The following NTNG1 variants were observed in gnomAD, a reference collection of about 807,000 sequenced individuals.
NTNG1 encodes the protein netrin G1.
In NTNG1, 16 loss-of-function variants were observed where a neutral mutation model predicts 54.0. That is an observed-to-expected ratio of 0.30 (90% CI 0.20 to 0.45). The LOEUF (loss-of-function observed/expected upper bound fraction) is 0.45, where lower values mean the gene tolerates loss of function less well. NTNG1 is among the 20% of genes least tolerant of loss of function. The probability of loss-of-function intolerance (pLI) is 1.00; values close to 1 mark genes in which losing one functional copy is unlikely to be tolerated. For synonymous variants in NTNG1, 255 were observed against 263.1 expected (o/e 0.97, Z 0.30); for missense variants, 530 against 678.7 (o/e 0.78, Z 2.43).
At chr1:107,361,374 C>CACAT (rs1285054598) in intron 3 of NTNG1, among the ~76,000 whole-genome samples, 1 of 87,998 alleles carries the variant, frequency 1.1e-5, no homozygotes, top group African/African-American at 4.4e-5. Context: ...TATATATATA[C>CACAT]ATATATATAT....
chr1:107,177,322 T>G (rs1656716232), intron 2 of NTNG1, among the ~76,000 whole-genome samples: 1 of 152,016 alleles, frequency 6.6e-6, no homozygotes, highest in African/African-American at 2.4e-5. Context: ...CCCACTCTCA[T>G]GTCTAAGAAG....
intron 2 of NTNG1, among the ~76,000 whole-genome samples, chr1:107,280,034 GGTGTGTGTGTGT>G (rs58563513): frequency 0.043 from 6,344 of 146,542 alleles, 424 homozygotes; most frequent in African/African-American, 0.15. Context: ...TTCCTTTGTT[GGTGTGTGTGTGT>G]GTGTGTGTGT....
At chr1:107,342,193 T>C (rs1233510832) in intron 3 of NTNG1, among the ~76,000 whole-genome samples, 1 of 152,080 alleles carries the variant, frequency 6.6e-6, no homozygotes, top group Non-Finnish European at 1.5e-5. Context: ...GAATAACTTA[T>C]AATCACTTTA....
intron 3 of NTNG1, among the ~76,000 whole-genome samples, chr1:107,373,403 CAT>C (rs1671043883): frequency 6.6e-6 from 1 of 151,972 alleles, no homozygotes; most frequent in Non-Finnish European, 1.5e-5. Flanking sequence ...TTTGTTTTCA[CAT>C]GTTTTACAGA....
chr1:107,333,604 T>C (rs977547567), intron 3 of NTNG1, among the ~76,000 whole-genome samples: 23 of 151,286 alleles, frequency 1.5e-4, no homozygotes, highest in African/African-American at 5.6e-4. Context: ...TGTTGGACTC[T>C]TTGTAAGATT....
At chr1:107,459,427 C>A (rs1677143563) in intron 7 of NTNG1, among the ~76,000 whole-genome samples, 1 of 151,848 alleles carries the variant, frequency 6.6e-6, no homozygotes, top group Admixed American at 6.6e-5. Flanking sequence ...GTTGGAGAGT[C>A]TTTGAAAATA....
At chr1:107,150,180 A>G (rs1244656723) in intron 2 of NTNG1, among the ~76,000 whole-genome samples, 1 of 152,196 alleles carries the variant, frequency 6.6e-6, no homozygotes, top group Non-Finnish European at 1.5e-5. Flanking sequence ...AAGTGCCCTG[A>G]AAGACTAAAT....
At chr1:107,205,594 T>C (rs1659115079) in intron 2 of NTNG1, among the ~76,000 whole-genome samples, 1 of 152,122 alleles carries the variant, frequency 6.6e-6, no homozygotes, top group African/African-American at 2.4e-5. Context: ...TTCTTTACAA[T>C]TCTTTTTCAG....
chr1:107,386,146 T>C (rs1390370276), intron 3 of NTNG1, among the ~76,000 whole-genome samples: 2 of 52,882 alleles, frequency 3.8e-5, no homozygotes, highest in African/African-American at 1.0e-4. Context: ...TATATATATG[T>C]GTGTATATAT....
At chr1:107,201,032 T>A (rs1035379151) in intron 2 of NTNG1, among the ~76,000 whole-genome samples, 1 of 151,854 alleles carries the variant, frequency 6.6e-6, no homozygotes, top group Non-Finnish European at 1.5e-5. Flanking sequence ...GTACTGTAAA[T>A]TTTTTCAATT....
At chr1:107,441,262 C>G (rs1452763036) in intron 7 of NTNG1, among the ~76,000 whole-genome samples, 1 of 152,104 alleles carries the variant, frequency 6.6e-6, no homozygotes, top group African/African-American at 2.4e-5. Context: ...TAGAAATAGC[C>G]ACTTGTAGAA....
chr1:107,236,124 A>G (rs574484173), intron 2 of NTNG1, among the ~76,000 whole-genome samples: 18 of 152,294 alleles, frequency 1.2e-4, no homozygotes, highest in Non-Finnish European at 2.4e-4. Context: ...TCTGCAGAAA[A>G]TAAAAAACAG....
chr1:107,378,878 A>G (rs1671472793), intron 3 of NTNG1, among the ~76,000 whole-genome samples: 2 of 152,246 alleles, frequency 1.3e-5, no homozygotes, highest in East Asian at 3.9e-4. Context: ...CCCACACATG[A>G]AACAGAGGGC....
chr1:107,373,832 G>A (rs193290089), intron 3 of NTNG1, among the ~76,000 whole-genome samples: 4 of 152,036 alleles, frequency 2.6e-5, no homozygotes, highest in Admixed American at 6.6e-5. Context: ...TCAAGTAGCC[G>A]AGACTCCAGG....
chr1:107,459,301 TTG>T (rs1677136661), intron 7 of NTNG1, among the ~76,000 whole-genome samples: 1 of 152,190 alleles, frequency 6.6e-6, no homozygotes, highest in Non-Finnish European at 1.5e-5. Flanking sequence ...TCAGGTTCTG[TTG>T]TGTTTTGTTT....
intron 2 of NTNG1, among the ~76,000 whole-genome samples, chr1:107,317,866 A>G (rs1335009810): frequency 1.3e-5 from 2 of 152,224 alleles, no homozygotes; most frequent in African/African-American, 4.8e-5. Flanking sequence ...AAAGGATTCC[A>G]TTAGAAAACG....
rs775465315 is a variant in NTNG1 at position 107,430,844 on chromosome 1, G to A, written c.1182G>A (p.Gln394=). The change falls in exon 6 of 8, where the codon CAG becomes CAA. Residue 394 remains glutamine, a synonymous_variant. Coordinates refer to ENST00000370068, the MANE Select transcript of NTNG1 (RefSeq NM_001113226.3). ...GCTGTAAACACAACACTAGAGGGCA[G>A]CACTGTGAGTTATGCAGGCTGGGCT... ...CVSCKHNTRG[Q]HCELCRLGYF... 1.9e-6 allele frequency: 3 copies of A among 1,613,170 alleles called. No individual in the cohort carries two copies. In the African/African-American group the frequency reaches 4.0e-5, roughly 22 times the overall value.
chr1:107,179,271 A>T (rs1365234644), intron 2 of NTNG1, among the ~76,000 whole-genome samples: 2 of 152,160 alleles, frequency 1.3e-5, no homozygotes, highest in Non-Finnish European at 2.9e-5. Flanking sequence ...GATCTACCCA[A>T]TCCAAAAGAC....
At chr1:107,162,454 T>G (rs190446816) in intron 2 of NTNG1, among the ~76,000 whole-genome samples, 6 of 152,292 alleles carry the variant, frequency 3.9e-5, no homozygotes, top group African/African-American at 1.2e-4. Flanking sequence ...TAACTTAGAA[T>G]TTTTGGTAAA....
Sources: gnomAD v4.1 joint callset for allele counts (sites outside exome capture counted in the v4.1 genomes callset) on GRCh38, gnomAD v4.1.1 for gene constraint, MANE v1.5 for transcripts, NCBI Gene and HGNC (gene_info 2026-07-23, HGNC 2026-07-21) for gene names.